GAREM1: variants seen among roughly 807,000 people sequenced by gnomAD.
GAREM1 encodes GRB2 associated regulator of MAPK1 subtype 1, also known as GRB2-associated and regulator of MAPK protein 1.
In GAREM1, 26 loss-of-function variants were observed where a neutral mutation model predicts 71.3. That is an observed-to-expected ratio of 0.36 (90% CI 0.27 to 0.51). GAREM1 has a LOEUF of 0.51. Ranked by LOEUF, GAREM1 falls within the 20% of genes least tolerant of loss-of-function variation. GAREM1 has a pLI of 0.95. For missense variants in GAREM1, 1,026 were observed against 1,103.1 expected (o/e 0.93, Z 0.99); for synonymous variants, 440 against 433.2 (o/e 1.02, Z -0.20).
intron 1 of GAREM1, among the ~76,000 whole-genome samples, chr18:32,401,417 G>A (rs1280470040): frequency 6.6e-6 from 1 of 151,658 alleles, no homozygotes; most frequent in African/African-American, 2.4e-5. Context: ...GTTTTTTTAA[G>A]TACTTACTAT....
chr18:32,406,300 G>C (rs1054990733), intron 1 of GAREM1, among the ~76,000 whole-genome samples: 3 of 152,066 alleles, frequency 2.0e-5, no homozygotes, highest in Admixed American at 1.3e-4. Context: ...AAAGTGCTTG[G>C]ATTACAGCGT....
intron 2 of GAREM1, among the ~76,000 whole-genome samples, chr18:32,374,426 C>A (rs1008348713): frequency 1.5e-4 from 23 of 152,194 alleles, no homozygotes; most frequent in Admixed American, 1.4e-3. Flanking sequence ...TCAGCATGTG[C>A]CCCTATGAGA....
chr18:32,269,777 T>C (rs1342363360), intron 5 of GAREM1, among the ~76,000 whole-genome samples: 1 of 152,126 alleles, frequency 6.6e-6, no homozygotes, highest in Non-Finnish European at 1.5e-5. Context: ...TCAACAGTGA[T>C]GGTCAAAAGG....
chr18:32,437,472 C>T (rs2144267887), intron 1 of GAREM1, among the ~76,000 whole-genome samples: 1 of 152,292 alleles, frequency 6.6e-6, no homozygotes, highest in South Asian at 2.1e-4. Context: ...TGATACTCTG[C>T]ACACATTTGA....
Position 32,267,080 on chromosome 18 carries a change from C to T in GAREM1, c.*791G>A, listed in dbSNP as rs1159099599. On this transcript the variant is annotated 3_prime_UTR_variant, in exon 6 of 6. Coordinates refer to ENST00000269209, the MANE Select transcript of GAREM1 (RefSeq NM_001242409.2). ...TAAGAGAATCAATGTAGATAACAGT[C>T]CCAAAACCTCAACAGATTGTTTAAA... 1 of 152,248 alleles carries T rather than the reference C, an allele frequency of 6.6e-6. No individual in the cohort carries two copies. Among genetic ancestry groups the T allele is most frequent in the Admixed American group, 6.5e-5 (1 of 15,282 alleles). 9.4% of individuals were successfully genotyped at this position (152,248 alleles called of 1,614,324 possible). A position where few individuals can be genotyped will look rare whatever the true frequency, so the allele number is the denominator to read the frequency against.
At chr18:32,328,535 A>C (rs1420768336) in intron 2 of GAREM1, among the ~76,000 whole-genome samples, 1 of 152,244 alleles carries the variant, frequency 6.6e-6, no homozygotes, top group Non-Finnish European at 1.5e-5. Flanking sequence ...CCTGCTAGTC[A>C]TCAGGAGGCA....
At chr18:32,295,934 C>A (rs149680010) in intron 3 of GAREM1, among the ~76,000 whole-genome samples, 11 of 151,880 alleles carry the variant, frequency 7.2e-5, no homozygotes, top group Non-Finnish European at 1.6e-4. Flanking sequence ...AAATTCAAGC[C>A]TAGGAATTTA....
At chr18:32,449,342 C>A (rs373695835) in intron 1 of GAREM1, among the ~76,000 whole-genome samples, 2 of 152,122 alleles carry the variant, frequency 1.3e-5, no homozygotes, top group Non-Finnish European at 2.9e-5. Flanking sequence ...AAAGCTATAG[C>A]TTCCTTTTTT....
chr18:32,318,918 C>A (rs1485038020), intron 2 of GAREM1, among the ~76,000 whole-genome samples: 1 of 151,944 alleles, frequency 6.6e-6, no homozygotes, highest in African/African-American at 2.4e-5. Context: ...AGAAATGGGA[C>A]CAGAACACCA....
chr18:32,274,978 TAAAA>T (rs896783865), intron 4 of GAREM1, among the ~76,000 whole-genome samples: 2 of 150,970 alleles, frequency 1.3e-5, no homozygotes, highest in African/African-American at 4.9e-5. Context: ...AAAAGGCACT[TAAAA>T]AAACCCATAT....
At chr18:32,293,919 C>T (rs1466813274) in intron 3 of GAREM1, among the ~76,000 whole-genome samples, 1 of 152,026 alleles carries the variant, frequency 6.6e-6, no homozygotes. Flanking sequence ...TCAGACAAAC[C>T]CAAACAGAAA....
intron 2 of GAREM1, among the ~76,000 whole-genome samples, chr18:32,378,655 G>A (rs1156394092): frequency 2.0e-5 from 3 of 152,018 alleles, no homozygotes; most frequent in African/African-American, 7.3e-5. Flanking sequence ...GAAGAGCTCT[G>A]GTTAAAAATA....
At chr18:32,302,269 T>C (rs1485196026) in intron 3 of GAREM1, among the ~76,000 whole-genome samples, 1 of 152,214 alleles carries the variant, frequency 6.6e-6, no homozygotes. Context: ...GTTTTCATAT[T>C]TGCTAAAAGA....
At chr18:32,377,616 T>A (rs1434130417) in intron 2 of GAREM1, among the ~76,000 whole-genome samples, 1 of 152,168 alleles carries the variant, frequency 6.6e-6, no homozygotes, top group Non-Finnish European at 1.5e-5. Flanking sequence ...CAGGCTGGAG[T>A]GCAGTGGCGC....
At chr18:32,368,847 C>T (rs1222019767) in intron 2 of GAREM1, among the ~76,000 whole-genome samples, 4 of 152,072 alleles carry the variant, frequency 2.6e-5, no homozygotes, top group Admixed American at 6.5e-5. Flanking sequence ...CTGGTAATAA[C>T]ACCAGTAAAA....
chr18:32,280,628 A>G (rs1368729684), intron 4 of GAREM1, among the ~76,000 whole-genome samples: 1 of 152,200 alleles, frequency 6.6e-6, no homozygotes, highest in African/African-American at 2.4e-5. Flanking sequence ...GCATATGATG[A>G]TTACAAAGTT....
At chr18:32,430,218 T>C (rs184686916) in intron 1 of GAREM1, among the ~76,000 whole-genome samples, 2 of 152,250 alleles carry the variant, frequency 1.3e-5, no homozygotes, top group East Asian at 1.9e-4. Flanking sequence ...CTCAGAAATA[T>C]GAAAACCAAC....
chr18:32,364,683 T>C (rs1235917928), intron 2 of GAREM1, among the ~76,000 whole-genome samples: 1 of 152,194 alleles, frequency 6.6e-6, no homozygotes, highest in Non-Finnish European at 1.5e-5. Context: ...TTAAGGTTGG[T>C]AAAATATACT....
intron 3 of GAREM1, among the ~76,000 whole-genome samples, chr18:32,309,796 T>G (rs1360380410): frequency 6.6e-6 from 1 of 152,164 alleles, no homozygotes; most frequent in Non-Finnish European, 1.5e-5. Flanking sequence ...TCTATCTTTG[T>G]ATTTTTCCTC....
Sources: gnomAD v4.1 joint callset for allele counts (sites outside exome capture counted in the v4.1 genomes callset) on GRCh38, gnomAD v4.1.1 for gene constraint, MANE v1.5 for transcripts, NCBI Gene and HGNC (gene_info 2026-07-23, HGNC 2026-07-21) for gene names.